The following ATG7 variants were observed in gnomAD, a reference collection of about 807,000 sequenced individuals.
The protein encoded by ATG7 is autophagy related 7.
A neutral mutation model predicts 82.4 loss-of-function variants in ATG7; 70 were observed. The observed-to-expected ratio is 0.85, with a 90% CI of 0.70 to 1.04. The LOEUF (loss-of-function observed/expected upper bound fraction) is 1.04. Among genes scored for constraint, ATG7 ranks in the 50% least tolerant of loss-of-function variants. The pLI is 0.00. For synonymous variants in ATG7, 287 were observed against 313.0 expected (o/e 0.92, Z 0.88); for missense variants, 792 against 864.3 (o/e 0.92, Z 1.05).
At chr3:11,348,224 G>GCCACCA in intron 14 of ATG7, 189 bp downstream of exon 14, 1 of 734,604 alleles carries the variant, frequency 1.4e-6, no homozygotes, top group Non-Finnish European at 2.1e-6. Context: ...GTCAGGCATG[G>GCCACCA]TGGCTCATAC....
In ATG7 at chr3:11,359,610, C is replaced by T. The variant is rs187227496; in HGVS notation, c.1480-971C>T. On this transcript the variant is annotated intron_variant, in intron 15 of 20. Transcript: ENST00000693202. ...ACTCAGGAGGGTGAGGCAGGAAGAT[C>T]ACTTGAGCCTGGGAGGTTGAGGCTG... Among the ~76,000 whole-genome samples, 477 of 152,102 alleles carry T rather than the reference C, an allele frequency of 3.1e-3. 5 individuals are homozygous for T. The highest frequency in any genetic ancestry group is 0.011 in the African/African-American group (457 of 41,468).
intron 15 of ATG7, among the ~76,000 whole-genome samples, chr3:11,359,804 G>A (rs774447100): frequency 1.3e-5 from 2 of 152,044 alleles, no homozygotes; most frequent in African/African-American, 2.4e-5. Flanking sequence ...AAAATTCTAT[G>A]TGAAGGGTGA....
chr3:11,566,189 CAG>C, the ATG7 span, among the ~76,000 whole-genome samples: 1 of 152,126 alleles, frequency 6.6e-6, no homozygotes, highest in African/African-American at 2.4e-5. Flanking sequence ...CGCATGCACA[CAG>C]AATGTTACAC....
the ATG7 span, among the ~76,000 whole-genome samples, chr3:11,574,783 ATATGTGTGTGTGTGTGTGTGTG>A: frequency 1.3e-4 from 15 of 111,782 alleles, no homozygotes; most frequent in African/African-American, 3.9e-4. Context: ...ATTCAACTAT[ATATGTGTGTGTGTGTGTGTGTG>A]TGTGTGTGTG....
At chr3:11,524,114 TTC>T (rs754909986) in intron 20 of ATG7, among the ~76,000 whole-genome samples, 3 of 152,356 alleles carry the variant, frequency 2.0e-5, no homozygotes, top group African/African-American at 7.2e-5. Context: ...GCTTGAAATA[TTC>T]TCTGTTCCAT....
At chr3:11,308,722 G>A (rs1948159962) in intron 6 of ATG7, 1 of 520,888 alleles carries the variant, frequency 1.9e-6, no homozygotes, top group South Asian at 2.4e-5. Context: ...AAATGGCCTG[G>A]TTGCCCCCTC....
intron 5 of ATG7, among the ~76,000 whole-genome samples, chr3:11,302,805 T>C (rs971207344): frequency 2.6e-5 from 4 of 152,236 alleles, no homozygotes; most frequent in Non-Finnish European, 4.4e-5. Context: ...GATAAGTCTC[T>C]TCTACTCTGT....
intron 20 of ATG7, among the ~76,000 whole-genome samples, chr3:11,497,373 A>ATG (rs1559751837): frequency 1.7e-5 from 2 of 115,520 alleles, no homozygotes; most frequent in East Asian, 5.4e-4. Flanking sequence ...ATATATATAT[A>ATG]TATATATATA....
intron 20 of ATG7, among the ~76,000 whole-genome samples, chr3:11,469,016 T>C (rs1365492900): frequency 6.6e-6 from 1 of 152,224 alleles, no homozygotes; most frequent in African/African-American, 2.4e-5. Context: ...GGCTCTCTCA[T>C]CTCTTCTTGA....
intron 19 of ATG7, among the ~76,000 whole-genome samples, chr3:11,423,689 C>T (rs958225919): frequency 1.2e-4 from 18 of 151,954 alleles, no homozygotes; most frequent in African/African-American, 3.6e-4. Flanking sequence ...CTTGACTCTA[C>T]GCACGTAATG....
At chr3:11,573,081 G>A in the ATG7 span, among the ~76,000 whole-genome samples, 1 of 151,670 alleles carries the variant, frequency 6.6e-6, no homozygotes, top group Admixed American at 6.6e-5. Flanking sequence ...GAGGAGAATC[G>A]GCTGAACCCG....
chr3:11,392,978 A>G (rs1008860928), intron 19 of ATG7, among the ~76,000 whole-genome samples: 4 of 152,174 alleles, frequency 2.6e-5, no homozygotes, highest in Non-Finnish European at 5.9e-5. Flanking sequence ...AAAAGCCCCA[A>G]CCTGTCCTTT....
At chr3:11,392,823 A>C (rs912668500) in intron 19 of ATG7, among the ~76,000 whole-genome samples, 1 of 152,178 alleles carries the variant, frequency 6.6e-6, no homozygotes, top group African/African-American at 2.4e-5. Flanking sequence ...TGTTTGGTAG[A>C]AACTGGTAAC....
chr3:11,365,682 G>A (rs965666082), intron 18 of ATG7, among the ~76,000 whole-genome samples: 1 of 152,074 alleles, frequency 6.6e-6, no homozygotes, highest in Non-Finnish European at 1.5e-5. Flanking sequence ...CTTCCTCCTC[G>A]CCACCCACCT....
At position 11,360,711 on chromosome 3, in the gene ATG7, C is replaced by T; in HGVS notation, c.1610C>T (p.Ser537Leu). The T allele has an allele frequency of 6.2e-7, 1 of 1,614,168 alleles. No individual in the cohort carries two copies. The highest frequency in any genetic ancestry group is 1.1e-5 in the South Asian group (1 of 91,084). The change falls in exon 16 of 21, where the codon TCA becomes TTA. Residue 537 changes from serine (S) to leucine (L), a missense_variant. By Grantham distance (145) the Ser-to-Leu change is moderately radical. Coordinates refer to ENST00000693202, the MANE Select transcript of ATG7 (RefSeq NM_001349232.2). ...GTGGCATCTGCTGACCTCCTGGGCTCATCGCTTTTTGCCAACATCCCTGGT... is the reference window on the plus strand; with the variant it reads ...GTGGCATCTGCTGACCTCCTGGGCTTATCGCTTTTTGCCAACATCCCTGGT... ...HPVASADLLG[S>L]SLFANIPGYK...
At chr3:11,565,667 A>C in the ATG7 span, among the ~76,000 whole-genome samples, 1 of 152,222 alleles carries the variant, frequency 6.6e-6, no homozygotes. This position sits in a 1 kb window ranked among gnomAD's most constrained non-coding sequence, Gnocchi z 4.1. Context: ...CGTCCAGGAC[A>C]CACGAGCAGG....
chr3:11,315,468 A>G lies in ATG7; in HGVS notation c.653A>G (p.Asp218Gly). 1.9e-6 allele frequency: 3 copies of G among 1,605,164 alleles called. No individual in the cohort carries two copies. The South Asian group carries it at 3.4e-5, about 18-fold the overall frequency. The change falls in exon 9 of 21, where the codon GAT becomes GGT. Residue 218 changes from aspartate (D) to glycine (G), a missense_variant. Asp to Gly is a moderately conservative substitution (Grantham distance 94). Coordinates refer to ENST00000693202, the MANE Select transcript of ATG7 (RefSeq NM_001349232.2). ...VLVSLLKHYS[D>G]FFQGQRTKIT... ...GTTTCCTTGCTTAAACACTACAGTG[A>G]TTTCTTCCAAGGTCAAAGGACGAAG...
intron 9 of ATG7, among the ~76,000 whole-genome samples, chr3:11,316,685 G>A (rs1949463158): frequency 1.3e-5 from 2 of 152,128 alleles, no homozygotes. Flanking sequence ...CTTGTCTGAG[G>A]CCCTCAATAA....
At chr3:11,431,335 A>G (rs1377252631) in intron 20 of ATG7, among the ~76,000 whole-genome samples, 1 of 152,248 alleles carries the variant, frequency 6.6e-6, no homozygotes. Context: ...CGGGAGGTGG[A>G]GGCTGCAGTG....
Sources: gnomAD v4.1 joint callset for allele counts (sites outside exome capture counted in the v4.1 genomes callset) on GRCh38, gnomAD v4.1.1 for gene constraint, Gnocchi (gnomAD v3.1) non-coding constraint, MANE v1.5 for transcripts, NCBI Gene and HGNC (gene_info 2026-07-23, HGNC 2026-07-21) for gene names.